Variants in PTTG1IP2 observed in about 807,000 individuals in gnomAD.
PTTG1IP2 encodes PTTG1IP family member 2.
At chr7:90,495,137 A>G (rs1172870528) in intron 6 of PTTG1IP2, among the ~76,000 whole-genome samples, 1 of 152,234 alleles carries the variant, frequency 6.6e-6, no homozygotes, top group East Asian at 1.9e-4. Context: ...TTAGACAACT[A>G]ACTTAATCTG....
intron 6 of PTTG1IP2, among the ~76,000 whole-genome samples, chr7:90,497,457 G>A (rs1221656804): frequency 4.6e-5 from 7 of 151,538 alleles, no homozygotes; most frequent in Admixed American, 1.3e-4. Flanking sequence ...CCAGCTACTC[G>A]GGAGGCTGAG....
chr7:90,500,292 G>A (rs1470713140), intron 6 of PTTG1IP2, among the ~76,000 whole-genome samples: 1 of 152,146 alleles, frequency 6.6e-6, no homozygotes, highest in Non-Finnish European at 1.5e-5. Flanking sequence ...TGAAAGGTTA[G>A]AATAAGGCAT....
intron 4 of PTTG1IP2, among the ~76,000 whole-genome samples, chr7:90,491,302 T>C (rs989426858): frequency 6.6e-6 from 1 of 152,228 alleles, no homozygotes; most frequent in East Asian, 1.9e-4. Context: ...CTAAGCAATG[T>C]CATTGTCATA....
intron 2 of PTTG1IP2, among the ~76,000 whole-genome samples, chr7:90,482,508 C>T (rs1005883682): frequency 2.0e-5 from 3 of 149,388 alleles, no homozygotes; most frequent in African/African-American, 5.0e-5. Context: ...ATTTACAACC[C>T]CCCCCCCACA....
chr7:90,490,129 C>T (rs1218699784), intron 4 of PTTG1IP2, among the ~76,000 whole-genome samples: 1 of 151,866 alleles, frequency 6.6e-6, no homozygotes, highest in Non-Finnish European at 1.5e-5. Context: ...TTTGTGGTTC[C>T]TATACCTCTT....
At chr7:90,473,244 C>T (rs1340938358) in intron 1 of PTTG1IP2, among the ~76,000 whole-genome samples, 1 of 152,182 alleles carries the variant, frequency 6.6e-6, no homozygotes, top group Non-Finnish European at 1.5e-5. Flanking sequence ...CAAGGCAGCT[C>T]TTGTGACAGC....
At chr7:90,474,947 G>C (rs1047018999) in intron 1 of PTTG1IP2, among the ~76,000 whole-genome samples, 2 of 152,216 alleles carry the variant, frequency 1.3e-5, no homozygotes. Flanking sequence ...AAGCTGGCAA[G>C]TAGATTGGCT....
chr7:90,509,845 A>G (rs559539610), intron 6 of PTTG1IP2, among the ~76,000 whole-genome samples: 1 of 152,216 alleles, frequency 6.6e-6, no homozygotes, highest in Non-Finnish European at 1.5e-5. Context: ...GCAAGCAAAC[A>G]TTGTTCATAT....
chr7:90,489,759 T>C (rs1406676178), intron 4 of PTTG1IP2, among the ~76,000 whole-genome samples: 3 of 151,960 alleles, frequency 2.0e-5, no homozygotes. Flanking sequence ...GTAGGAAATA[T>C]AATTCTATGC....
chr7:90,495,936 C>T (rs1452734787), intron 6 of PTTG1IP2, among the ~76,000 whole-genome samples: 1 of 152,166 alleles, frequency 6.6e-6, no homozygotes, highest in Non-Finnish European at 1.5e-5. Context: ...AAGGCAATCT[C>T]TCAGTATCTA....
At chr7:90,475,241 G>T (rs920032690) in intron 1 of PTTG1IP2, among the ~76,000 whole-genome samples, 2 of 152,272 alleles carry the variant, frequency 1.3e-5, no homozygotes, top group African/African-American at 2.4e-5. Flanking sequence ...GTCACACTGT[G>T]GTTGCCTTGA....
intron 6 of PTTG1IP2, among the ~76,000 whole-genome samples, chr7:90,496,252 A>G (rs1462164933): frequency 6.6e-6 from 1 of 152,208 alleles, no homozygotes; most frequent in Non-Finnish European, 1.5e-5. Flanking sequence ...GGTAGAATTC[A>G]GCAGTGAAGC....
rs144907444 is a variant in PTTG1IP2 at position 90,472,279 on chromosome 7, AACAC to A, written c.145+2387_145+2390del. On this transcript the variant is annotated intron_variant, in intron 1 of 6. Coordinates refer to ENST00000509356, the MANE Select transcript of PTTG1IP2 (RefSeq NM_001365443.2). Reference sequence around the variant, plus strand: ...ATAAAGGAGTATACGATAGCATGCAAACACACACACACACACACACACACACACA... The same window carrying A: ...ATAAAGGAGTATACGATAGCATGCAAACACACACACACACACACACACACA... 4.7e-3 allele frequency among the ~76,000 whole-genome samples: 651 copies of A among 138,040 alleles called. 4 individuals are homozygous for A. Among genetic ancestry groups the A allele is most frequent in the African/African-American group, 0.01 (390 of 38,358 alleles). The allele number at this position is 138,040 out of a possible 152,430, so 90.6% of individuals were successfully genotyped here. A position where few individuals can be genotyped will look rare whatever the true frequency, so the allele number is the denominator to read the frequency against.
intron 1 of PTTG1IP2, among the ~76,000 whole-genome samples, chr7:90,475,623 G>T (rs1797739523): frequency 6.6e-6 from 1 of 152,164 alleles, no homozygotes; most frequent in Admixed American, 6.5e-5. Flanking sequence ...GTTTCAGGAG[G>T]AGAGAAATGG....
intron 4 of PTTG1IP2, among the ~76,000 whole-genome samples, chr7:90,491,288 T>C (rs1334410050): frequency 1.3e-5 from 2 of 152,210 alleles, no homozygotes; most frequent in African/African-American, 4.8e-5. Context: ...GTATTTATTA[T>C]CCACTAAGCA....
At position 90,469,859 on chromosome 7, in the gene PTTG1IP2, A is replaced by G. The variant is rs1189172496; in HGVS notation, c.73A>G (p.Ile25Val). The G allele has an allele frequency of 6.5e-6, 1 of 152,830 alleles. No individual in the cohort carries two copies. Among genetic ancestry groups the G allele is most frequent in the East Asian group, 1.9e-4 (1 of 5,202 alleles). The allele number at this position is 152,830 out of a possible 1,614,324, so 9.5% of individuals were successfully genotyped here. Residue 25 changes from isoleucine to valine, a missense_variant, in exon 1 of 7, where the codon ATC (isoleucine) becomes GTC (valine). Transcript: ENST00000509356. ...FLSLFLIQLL[I>V]SFSENGFIHS... ...CTCCCTCTTTCTCATCCAATTGCTTATCAGCTTCTCAGAGAATGGTTTTAT... is the reference window on the plus strand; with the variant it reads ...CTCCCTCTTTCTCATCCAATTGCTTGTCAGCTTCTCAGAGAATGGTTTTAT...
intron 6 of PTTG1IP2, among the ~76,000 whole-genome samples, chr7:90,502,470 T>A (rs1798070892): frequency 6.6e-6 from 1 of 152,224 alleles, no homozygotes; most frequent in Non-Finnish European, 1.5e-5. Context: ...GTTTTCAATT[T>A]ACTTTACCCA....
At chr7:90,496,364 A>C (rs771993744) in intron 6 of PTTG1IP2, among the ~76,000 whole-genome samples, 23 of 152,114 alleles carry the variant, frequency 1.5e-4, no homozygotes, top group Non-Finnish European at 2.5e-4. Context: ...TTAAGAATTC[A>C]ATCTGGGTGT....
At chr7:90,499,990 G>A (rs1317197375) in intron 6 of PTTG1IP2, among the ~76,000 whole-genome samples, 2 of 152,108 alleles carry the variant, frequency 1.3e-5, no homozygotes, top group Non-Finnish European at 2.9e-5. Context: ...AAGGGGGGCA[G>A]ATCACTTGAG....
Sources: allele counts gnomAD v4.1 joint callset (sites outside exome capture counted in the v4.1 genomes callset), GRCh38; gene constraint gnomAD v4.1.1; transcripts MANE v1.5; gene names NCBI Gene and HGNC (gene_info 2026-07-23, HGNC 2026-07-21).